The following COL11A1 variants were observed in gnomAD, a reference collection of about 807,000 sequenced individuals.
COL11A1 encodes collagen alpha-1(XI) chain.
Under a neutral mutation model 265.2 loss-of-function variants are expected in COL11A1, and 74 were observed. The observed-to-expected ratio is 0.28, with a 90% CI of 0.23 to 0.34. The LOEUF (loss-of-function observed/expected upper bound fraction) is 0.34. Ranked by LOEUF, COL11A1 falls within the 10% of genes least tolerant of loss-of-function variation. The pLI, the probability that COL11A1 is intolerant of heterozygous loss-of-function variation, is 1.00. For synonymous variants in COL11A1, 816 were observed against 727.6 expected (o/e 1.12, Z -1.96); for missense variants, 2,165 against 2,263.6 (o/e 0.96, Z 0.88).
intron 54 of COL11A1, among the ~76,000 whole-genome samples, chr1:102,903,802 G>A (rs1203837643): frequency 6.6e-6 from 1 of 152,038 alleles, no homozygotes; most frequent in Non-Finnish European, 1.5e-5. Context: ...GTTCACCTGT[G>A]GTATAGACAA....
At chr1:102,890,407 T>C in intron 58 of COL11A1, 44 bp downstream of exon 58, 1 of 1,517,488 alleles carries the variant, frequency 6.6e-7, no homozygotes, top group Non-Finnish European at 9.0e-7. Context: ...TATTAGTATA[T>C]AAAAGCATAT....
intron 14 of COL11A1, 123 bp from the exon 15 acceptor site, chr1:103,008,639 CTTA>C: frequency 1.1e-6 from 1 of 879,780 alleles, no homozygotes. Flanking sequence ...TTAGCATTAA[CTTA>C]TTAATTAACA....
chr1:103,088,683 T>C (rs1673065402), intron 1 of COL11A1, among the ~76,000 whole-genome samples: 1 of 152,180 alleles, frequency 6.6e-6, no homozygotes, highest in Admixed American at 6.5e-5. Flanking sequence ...ACAACTAAAA[T>C]ATCTACTACC....
At position 103,005,885 on chromosome 1, in the gene COL11A1, G is replaced by T. The variant is rs747461816; in HGVS notation, c.1798C>A (p.Arg600=). Residue 600 remains arginine (R), a synonymous_variant, in exon 18 of 67, where the codon CGA becomes AGA. Transcript: ENST00000370096. ...AGACCCGGAAGTCCATCAAACCCTCGATCTCCCTGTAAAACCATCATCATC... is the reference window on the plus strand; with the variant it reads ...AGACCCGGAAGTCCATCAAACCCTCTATCTCCCTGTAAAACCATCATCATC... The part of the protein sequence containing the change: ...MPGEPGAKGD[R]GFDGLPGLPG... The T allele has an allele frequency of 2.4e-5, 38 of 1,599,178 alleles. 1 individual carries two copies. In the South Asian group the frequency reaches 4.0e-4, roughly 17 times the overall value.
At chr1:103,079,787 T>G (rs1474127128) in intron 2 of COL11A1, among the ~76,000 whole-genome samples, 1 of 152,000 alleles carries the variant, frequency 6.6e-6, no homozygotes, top group Admixed American at 6.6e-5. Context: ...CCATTGTGTA[T>G]GTGCATGTGT....
At chr1:103,057,493 C>T (rs1036363801) in intron 4 of COL11A1, among the ~76,000 whole-genome samples, 2 of 152,180 alleles carry the variant, frequency 1.3e-5, no homozygotes, top group African/African-American at 4.8e-5. Flanking sequence ...AATGGTGAAT[C>T]TTTTCTAGAA....
chr1:102,902,719 T>C (rs903551265), intron 54 of COL11A1, among the ~76,000 whole-genome samples: 2 of 151,648 alleles, frequency 1.3e-5, no homozygotes, highest in Non-Finnish European at 2.9e-5. Context: ...CAATGTACTT[T>C]CTATCTATAC....
intron 3 of COL11A1, among the ~76,000 whole-genome samples, chr1:103,077,717 A>AT (rs1212780272): frequency 6.6e-6 from 1 of 152,098 alleles, no homozygotes; most frequent in East Asian, 1.9e-4. Flanking sequence ...ATAAGCATTA[A>AT]TTTCTATTTA....
Position 102,920,345 on chromosome 1 carries a change from C to T in COL11A1, c.3728G>A (p.Gly1243Glu). ...NGADGPQGPP[G>E]SVGSVGGVGE... ...AACACCACCAACTGAACCAACAGAC[C>T]CTGGGGGTCCTTGTGGTCCCTGCAG... Residue 1243 changes from glycine (G) to glutamate (E), a missense_variant, in exon 49 of 67, where the codon GGG (glycine) becomes GAG (glutamate). Physicochemically the swap from Gly to Glu is moderately conservative, Grantham distance 98. Transcript: ENST00000370096. 1 of 1,613,196 alleles carries T rather than the reference C, an allele frequency of 6.2e-7. No individual in the cohort carries two copies. Among genetic ancestry groups the T allele is most frequent in the Non-Finnish European group, 8.5e-7 (1 of 1,179,372 alleles).
At chr1:103,072,321 C>T (rs1309637160) in intron 4 of COL11A1, among the ~76,000 whole-genome samples, 1 of 151,934 alleles carries the variant, frequency 6.6e-6, no homozygotes, top group East Asian at 1.9e-4. Context: ...GCAGTGTATA[C>T]ATGAAATTAC....
At chr1:102,992,815 A>G (rs925801867) in intron 28 of COL11A1, among the ~76,000 whole-genome samples, 1 of 152,108 alleles carries the variant, frequency 6.6e-6, no homozygotes, top group African/African-American at 2.4e-5. Flanking sequence ...CAGAAAAAGT[A>G]ACTAGAAAAA....
At chr1:103,016,542 C>T (rs987019437) in intron 11 of COL11A1, among the ~76,000 whole-genome samples, 3 of 151,728 alleles carry the variant, frequency 2.0e-5, no homozygotes, top group African/African-American at 4.8e-5. Context: ...TCTACATAGC[C>T]ATGTCATACT....
At chr1:102,903,364 C>T (rs1040982334) in intron 54 of COL11A1, among the ~76,000 whole-genome samples, 10 of 152,102 alleles carry the variant, frequency 6.6e-5, no homozygotes, top group South Asian at 4.1e-4. Context: ...ATCATTCATG[C>T]GTAAGATTCA....
chr1:103,021,710 C>T lies in COL11A1; in HGVS notation c.1305G>A (p.Glu435=). 2 of 1,609,384 alleles carry T rather than the reference C, an allele frequency of 1.2e-6. No homozygotes were observed. Among genetic ancestry groups the T allele is most frequent in the Non-Finnish European group, 1.7e-6 (2 of 1,175,708 alleles). The change falls in exon 9 of 67, where the codon GAG becomes GAA. Residue 435 remains glutamate, a synonymous_variant. Coordinates refer to ENST00000370096, the MANE Select transcript of COL11A1 (RefSeq NM_001854.4). The part of the protein sequence containing the change: ...KGQKGEPAVV[E]PGMLVEGPPG... ...GTGTATTCACACTACTACTTACAGGCTCAACCACTGCTGGTTCTCCTTTCT... is the reference window on the plus strand; with the variant it reads ...GTGTATTCACACTACTACTTACAGGTTCAACCACTGCTGGTTCTCCTTTCT...
At chr1:102,978,812 G>GA (rs760985656) in intron 34 of COL11A1, 48 bp downstream of exon 34, 75 of 1,613,392 alleles carry the variant, frequency 4.6e-5, no homozygotes, top group Non-Finnish European at 5.6e-5. Context: ...CATCTGCCTG[G>GA]AAAAAAAATC....
intron 63 of COL11A1, among the ~76,000 whole-genome samples, chr1:102,885,072 G>C (rs564969873): frequency 6.6e-6 from 1 of 152,092 alleles, no homozygotes; most frequent in Non-Finnish European, 1.5e-5. Flanking sequence ...TTCCCTACTC[G>C]GATTAGTATC....
intron 41 of COL11A1, among the ~76,000 whole-genome samples, chr1:102,948,939 C>T (rs1337204953): frequency 6.6e-6 from 1 of 151,712 alleles, no homozygotes; most frequent in Non-Finnish European, 1.5e-5. Flanking sequence ...CAAATATTTG[C>T]CTCTAATTCT....
intron 41 of COL11A1, among the ~76,000 whole-genome samples, chr1:102,952,795 A>C (rs1017990911): frequency 6.6e-6 from 1 of 152,238 alleles, no homozygotes. Flanking sequence ...ATGACATAGC[A>C]AACTTGCAAA....
chr1:102,993,605 A>T (rs1664341144), intron 28 of COL11A1, among the ~76,000 whole-genome samples: 1 of 152,072 alleles, frequency 6.6e-6, no homozygotes, highest in Admixed American at 6.6e-5. Context: ...TAGCTTAGTC[A>T]TGGCTTATTG....
Sources: allele counts gnomAD v4.1 joint callset (sites outside exome capture counted in the v4.1 genomes callset), GRCh38; gene constraint gnomAD v4.1.1; transcripts MANE v1.5; gene names NCBI Gene and HGNC (gene_info 2026-07-23, HGNC 2026-07-21).